Variants in RIMS1 observed in about 807,000 individuals in gnomAD.
RIMS1 encodes regulating synaptic membrane exocytosis protein 1.
In RIMS1, 83 loss-of-function variants were observed where a neutral mutation model predicts 214.1. The observed-to-expected ratio is 0.39, with a 90% CI of 0.32 to 0.47. The LOEUF (loss-of-function observed/expected upper bound fraction) is 0.47. RIMS1 is among the 20% of genes least tolerant of loss of function. The pLI is 0.99. For synonymous variants in RIMS1, 793 were observed against 786.8 expected (o/e 1.01, Z -0.13); for missense variants, 2,050 against 2,161.8 (o/e 0.95, Z 1.03).
At chr6:72,305,264 G>T (rs557565850) in intron 26 of RIMS1, among the ~76,000 whole-genome samples, 1 of 151,972 alleles carries the variant, frequency 6.6e-6, no homozygotes, top group Non-Finnish European at 1.5e-5. Context: ...ATAATTATCC[G>T]TGTCTAAGTA....
intron 2 of RIMS1, among the ~76,000 whole-genome samples, chr6:72,072,601 T>C (rs887276014): frequency 2.6e-5 from 4 of 152,188 alleles, no homozygotes; most frequent in African/African-American, 9.7e-5. Context: ...CAACATTCAT[T>C]TGTTATTCAT....
intron 22 of RIMS1, 33 bp from the exon 23 acceptor site, chr6:72,274,316 T>C: frequency 2.0e-6 from 3 of 1,489,286 alleles, no homozygotes; most frequent in Non-Finnish European, 2.8e-6. Flanking sequence ...CTAAATGTCC[T>C]GTTTTTTCCT....
chr6:72,096,052 GA>G (rs1464102113), intron 2 of RIMS1, among the ~76,000 whole-genome samples: 1 of 152,182 alleles, frequency 6.6e-6, no homozygotes, highest in Non-Finnish European at 1.5e-5. Flanking sequence ...AGAGATTTAA[GA>G]TTGGGATTTG....
chr6:71,935,304 A>G (rs1186543942), intron 1 of RIMS1, among the ~76,000 whole-genome samples: 3 of 152,196 alleles, frequency 2.0e-5, no homozygotes, highest in South Asian at 2.1e-4. Flanking sequence ...TTTCCACCCC[A>G]TATCTCATTC....
In RIMS1 at chr6:72,400,755, C is replaced by A; in HGVS notation, c.*41C>A. The A allele has an allele frequency of 7.0e-7, 1 of 1,438,628 alleles. No homozygotes were observed. Among genetic ancestry groups the A allele is most frequent in the Non-Finnish European group, 9.7e-7 (1 of 1,031,120 alleles). 89.1% of individuals were successfully genotyped at this position (1,438,628 alleles called of 1,614,324 possible). On this transcript the variant is annotated 3_prime_UTR_variant, in exon 34 of 34. Coordinates refer to ENST00000521978, the MANE Select transcript of RIMS1 (RefSeq NM_014989.7). ...GTCATTCCAATAAAACTCTACTTTT[C>A]AGGATAATAATCTGAACCAGATATT...
chr6:71,893,985 C>T (rs971710168), intron 1 of RIMS1, among the ~76,000 whole-genome samples: 2 of 152,120 alleles, frequency 1.3e-5, no homozygotes, highest in Non-Finnish European at 2.9e-5. Flanking sequence ...TATTGTCTTC[C>T]TCTTTTTAAA....
At position 72,340,768 on chromosome 6, in the gene RIMS1, T is replaced by A. The variant is rs549502708; in HGVS notation, c.4366+6933T>A. Among the ~76,000 whole-genome samples the A allele has an allele frequency of 5.4e-3, 820 of 152,182 alleles. 11 individuals carry two copies. The highest frequency in any genetic ancestry group is 0.019 in the African/African-American group (790 of 41,544). ...TTAGGGTTGACTTGGCAATGCGGGC[T>A]CTTTTTTGGTTCCATATGAACTTTA... On this transcript the variant is annotated intron_variant, in intron 29 of 33. Transcript: ENST00000521978.
intron 1 of RIMS1, among the ~76,000 whole-genome samples, chr6:71,895,598 C>T (rs564933219): frequency 9.3e-5 from 13 of 140,418 alleles, no homozygotes; most frequent in African/African-American, 2.5e-4. Context: ...TTCTTGAACC[C>T]GGGAGGCGGA....
At chr6:71,998,306 C>T (rs1804100245) in intron 2 of RIMS1, among the ~76,000 whole-genome samples, 1 of 152,178 alleles carries the variant, frequency 6.6e-6, no homozygotes, top group South Asian at 2.1e-4. Flanking sequence ...CCCCTCCACT[C>T]TTCAGTTTCC....
At chr6:72,023,103 T>C (rs1815237002) in intron 2 of RIMS1, among the ~76,000 whole-genome samples, 2 of 152,164 alleles carry the variant, frequency 1.3e-5, no homozygotes, top group Admixed American at 1.3e-4. Flanking sequence ...TTTTGCTTTC[T>C]ACAGAGAAAT....
At position 72,011,242 on chromosome 6, in the gene RIMS1, T is replaced by C. The variant is rs141710744; in HGVS notation, c.245+42179T>C. Among the ~76,000 whole-genome samples the C allele has an allele frequency of 8.0e-3, 1,219 of 152,274 alleles. 11 individuals are homozygous for C. Among genetic ancestry groups the C allele is most frequent in the Non-Finnish European group, 0.014 (972 of 68,008 alleles). ...AAGAAATGAAGAAAGGATTCCCTAT[T>C]TAATAAATGGTGCTGGGAAAACTGG... is the stretch of plus-strand genomic sequence containing the variant. On this transcript the variant is annotated intron_variant, in intron 2 of 33. Coordinates refer to ENST00000521978, the MANE Select transcript of RIMS1 (RefSeq NM_014989.7).
chr6:72,252,750 C>T lies in RIMS1; in HGVS notation c.2699-11C>T. ...GACACAGAAGTATCTCTTTGCCTTA[C>T]TGTTGTGCAGGATCTCAGCGAATCA... On this transcript the variant is annotated splice_polypyrimidine_tract_variant and intron_variant, in intron 15 of 33. Transcript: ENST00000521978. 1.9e-6 allele frequency: 3 copies of T among 1,555,216 alleles called. No individual in the cohort carries two copies. The highest frequency in any genetic ancestry group is 1.2e-5 in the South Asian group (1 of 84,308).
chr6:72,034,863 A>T (rs1819168332), intron 2 of RIMS1, among the ~76,000 whole-genome samples: 1 of 152,206 alleles, frequency 6.6e-6, no homozygotes, highest in Non-Finnish European at 1.5e-5. Flanking sequence ...TTAATTGCAT[A>T]ATTAAGATGC....
At position 72,061,471 on chromosome 6, in the gene RIMS1, ACAGT is replaced by A. The variant is rs372329197; in HGVS notation, c.246-35476_246-35473del. Among the ~76,000 whole-genome samples, 65 of 152,360 alleles carry A rather than the reference ACAGT, an allele frequency of 4.3e-4. 1 individual carries two copies. Among genetic ancestry groups the A allele is most frequent in the African/African-American group, 1.5e-3 (61 of 41,588 alleles). Reference sequence around the variant, plus strand: ...TATGTTTAATAGTAAGTATGGGTTGACAGTCTGTTTGTTTCCACGGATGGACTGG... The same window carrying A: ...TATGTTTAATAGTAAGTATGGGTTGACTGTTTGTTTCCACGGATGGACTGG... On this transcript the variant is annotated intron_variant, in intron 2 of 33. Transcript: ENST00000521978.
chr6:71,929,996 A>G (rs1159242016), intron 1 of RIMS1, among the ~76,000 whole-genome samples: 1 of 152,134 alleles, frequency 6.6e-6, no homozygotes, highest in East Asian at 1.9e-4. Context: ...GCAGATGATG[A>G]CAAGTATTGC....
chr6:71,971,005 C>CCAGA (rs1356773122), intron 2 of RIMS1, among the ~76,000 whole-genome samples: 5 of 145,312 alleles, frequency 3.4e-5, no homozygotes, highest in Non-Finnish European at 6.1e-5. Context: ...AGGCTAGTGA[C>CCAGA]CAGACCTCTT....
At chr6:72,207,412 T>C (rs1335788308) in intron 6 of RIMS1, among the ~76,000 whole-genome samples, 1 of 152,236 alleles carries the variant, frequency 6.6e-6, no homozygotes, top group Admixed American at 6.5e-5. Context: ...AATAACTTGG[T>C]ATTTTAAGTC....
intron 6 of RIMS1, among the ~76,000 whole-genome samples, chr6:72,205,448 C>T (rs1366145388): frequency 6.6e-6 from 1 of 152,006 alleles, no homozygotes; most frequent in Non-Finnish European, 1.5e-5. Context: ...CTTTGGGAAA[C>T]CATGAGTTAG....
intron 1 of RIMS1, among the ~76,000 whole-genome samples, chr6:71,930,006 C>T (rs1050496446): frequency 1.3e-5 from 2 of 151,810 alleles, no homozygotes; most frequent in Non-Finnish European, 2.9e-5. Flanking sequence ...ACAAGTATTG[C>T]CAGATTAAGA....
Sources: allele counts gnomAD v4.1 joint callset (sites outside exome capture counted in the v4.1 genomes callset), GRCh38; gene constraint gnomAD v4.1.1; transcripts MANE v1.5; gene names NCBI Gene and HGNC (gene_info 2026-07-23, HGNC 2026-07-21).